The following RBMS1 variants were observed in gnomAD, a reference collection of about 807,000 sequenced individuals.
RBMS1 encodes RNA-binding motif, single-stranded-interacting protein 1.
In RBMS1, 17 loss-of-function variants were observed where a neutral mutation model predicts 62.3. The ratio of observed to expected loss-of-function variants is 0.27; its 90% CI spans 0.19 to 0.41. The LOEUF (loss-of-function observed/expected upper bound fraction) is 0.41. Among genes scored for constraint, RBMS1 ranks in the 10% least tolerant of loss-of-function variants. RBMS1 has a pLI of 1.00. For synonymous variants in RBMS1, 172 were observed against 170.0 expected, an observed-to-expected ratio of 1.01 and a Z score of -0.09; for missense variants, 334 against 504.5, an observed-to-expected ratio of 0.66 and a Z score of 3.24.
chr2:160,487,915 A>C (rs1234590285), intron 1 of RBMS1, among the ~76,000 whole-genome samples: 1 of 151,952 alleles, frequency 6.6e-6, no homozygotes, highest in Non-Finnish European at 1.5e-5. Context: ...TGACATGCTT[A>C]TTTTCCAGGG....
At chr2:160,409,119 A>G (rs1695917950) in intron 1 of RBMS1, among the ~76,000 whole-genome samples, 1 of 152,202 alleles carries the variant, frequency 6.6e-6, no homozygotes, top group African/African-American at 2.4e-5. Flanking sequence ...TTCTAGCAGC[A>G]AGGAACTGGA....
intron 2 of RBMS1, among the ~76,000 whole-genome samples, chr2:160,322,834 T>C (rs1461261585): frequency 1.3e-5 from 2 of 152,168 alleles, no homozygotes; most frequent in Non-Finnish European, 1.5e-5. Flanking sequence ...GGATATCTTA[T>C]TGTGGCAATG....
At chr2:160,350,218 T>C (rs1324475586) in intron 2 of RBMS1, among the ~76,000 whole-genome samples, 4 of 151,980 alleles carry the variant, frequency 2.6e-5, no homozygotes, top group African/African-American at 7.3e-5. Context: ...ACCCTGCTGA[T>C]GGAAGTTTTA....
At chr2:160,291,900 A>C (rs1688699555) in intron 6 of RBMS1, among the ~76,000 whole-genome samples, 1 of 152,138 alleles carries the variant, frequency 6.6e-6, no homozygotes, top group African/African-American at 2.4e-5. Context: ...GACTCCAACA[A>C]ACATCTTTTA....
intron 1 of RBMS1, among the ~76,000 whole-genome samples, chr2:160,491,782 G>C (rs1223269264): frequency 6.6e-6 from 1 of 152,128 alleles, no homozygotes; most frequent in Non-Finnish European, 1.5e-5. Flanking sequence ...AAATTTCTTT[G>C]AACAGCTACC....
chr2:160,451,641 C>G (rs529992849), intron 1 of RBMS1, among the ~76,000 whole-genome samples: 1 of 151,936 alleles, frequency 6.6e-6, no homozygotes, highest in African/African-American at 2.4e-5. Flanking sequence ...CAGAGTCTTG[C>G]TCTGTCAGTC....
intron 1 of RBMS1, among the ~76,000 whole-genome samples, chr2:160,406,102 T>C (rs1244218055): frequency 6.6e-6 from 1 of 152,220 alleles, no homozygotes; most frequent in Non-Finnish European, 1.5e-5. Flanking sequence ...ATTTTATTTA[T>C]TTAATTAATT....
At chr2:160,333,075 C>T (rs1380504603) in intron 2 of RBMS1, among the ~76,000 whole-genome samples, 4 of 151,772 alleles carry the variant, frequency 2.6e-5, no homozygotes, top group Admixed American at 6.6e-5. Context: ...GTAAGGCAAC[C>T]CAGGTGGAGG....
chr2:160,428,793 G>A (rs1325442543), intron 1 of RBMS1, among the ~76,000 whole-genome samples: 1 of 152,192 alleles, frequency 6.6e-6, no homozygotes, highest in Non-Finnish European at 1.5e-5. Context: ...GCAATGGGGT[G>A]GGGATAAGAA....
intron 1 of RBMS1, among the ~76,000 whole-genome samples, chr2:160,431,465 C>T (rs1432418241): frequency 6.6e-6 from 1 of 152,042 alleles, no homozygotes; most frequent in African/African-American, 2.4e-5. Context: ...GTTATAGAGG[C>T]TGGAAGCCAG....
chr2:160,359,025 G>A (rs1403769426), intron 2 of RBMS1, among the ~76,000 whole-genome samples: 1 of 152,072 alleles, frequency 6.6e-6, no homozygotes, highest in East Asian at 1.9e-4. Flanking sequence ...TATCTGAGAT[G>A]TAGTAGCTAC....
Position 160,367,286 on chromosome 2 carries a change from T to G in RBMS1, c.181A>C (p.Lys61Gln). 1 of 1,614,066 alleles carries G rather than the reference T, an allele frequency of 6.2e-7. No homozygotes were observed. The highest frequency in any genetic ancestry group is 8.5e-7 in the Non-Finnish European group (1 of 1,179,990). ...AGTCCTCGGATATAGAGGTTCGTTT[T>G]GCTGAGCTGATCCCATCCTGAGTTG... ...SSNSGWDQLS[K>Q]TNLYIRGLPP... The change falls in exon 2 of 14, where the codon AAA becomes CAA. Residue 61 changes from lysine to glutamine, a missense_variant. Coordinates refer to ENST00000348849, the MANE Select transcript of RBMS1 (RefSeq NM_016836.4).
At chr2:160,454,039 G>T in intron 1 of RBMS1, among the ~76,000 whole-genome samples, 1 of 152,224 alleles carries the variant, frequency 6.6e-6, no homozygotes, top group African/African-American at 2.4e-5. Context: ...CCCTTGTAAT[G>T]ACCTCTATGT....
chr2:160,493,515 C>T lies in RBMS1; in HGVS notation c.-152G>A. On this transcript the variant is annotated 5_prime_UTR_variant, in exon 1 of 14. Coordinates refer to ENST00000348849, the MANE Select transcript of RBMS1 (RefSeq NM_016836.4). ...CCGCTGCTCCACCTCCCAGCCGGGA[C>T]CAGACGTCCTCCTCCTCCTCCTCCT... 1 of 660,982 alleles carries T rather than the reference C, an allele frequency of 1.5e-6. No homozygotes were observed. 40.9% of individuals were successfully genotyped at this position (660,982 alleles called of 1,614,324 possible).
At chr2:160,466,870 G>A (rs1283049507) in intron 1 of RBMS1, among the ~76,000 whole-genome samples, 1 of 152,180 alleles carries the variant, frequency 6.6e-6, no homozygotes, top group Admixed American at 6.5e-5. Flanking sequence ...ATATGACCTT[G>A]GGCAGTTGCT....
At chr2:160,319,689 C>T (rs1690445775) in intron 2 of RBMS1, among the ~76,000 whole-genome samples, 1 of 151,988 alleles carries the variant, frequency 6.6e-6, no homozygotes. Context: ...GGACAAAAAG[C>T]ATATTAAAAT....
At chr2:160,486,321 T>C (rs1685600108) in intron 1 of RBMS1, among the ~76,000 whole-genome samples, 1 of 152,122 alleles carries the variant, frequency 6.6e-6, no homozygotes, top group Admixed American at 6.5e-5. Flanking sequence ...GTTCGGAGCA[T>C]GGCATTCTAT....
chr2:160,423,249 T>C (rs1211308279), intron 1 of RBMS1, among the ~76,000 whole-genome samples: 1 of 152,100 alleles, frequency 6.6e-6, no homozygotes, highest in Non-Finnish European at 1.5e-5. Context: ...GGCAACTTAA[T>C]ACATTTTTTA....
At position 160,471,769 on chromosome 2, in the gene RBMS1, G is replaced by A. The variant is rs199887073; in HGVS notation, c.75+21520C>T. 1.8e-4 allele frequency among the ~76,000 whole-genome samples: 26 copies of A among 143,044 alleles called. No homozygotes were observed. In the East Asian group the frequency reaches 4.5e-3, roughly 25 times the overall value. The allele number at this position is 143,044 out of a possible 152,430, so 93.8% of individuals were successfully genotyped here. On this transcript the variant is annotated intron_variant, in intron 1 of 13. Transcript: ENST00000348849. ...AGAAGTCCACTAGGTATTAGAAGAA[G>A]TGAAGAGGATTTATACTCTAAGAGA... is the stretch of plus-strand genomic sequence containing the variant.
Sources: allele counts gnomAD v4.1 joint callset (sites outside exome capture counted in the v4.1 genomes callset), GRCh38; gene constraint gnomAD v4.1.1; transcripts MANE v1.5; gene names NCBI Gene and HGNC (gene_info 2026-07-23, HGNC 2026-07-21).